The following HERC2 variants were observed in gnomAD, a reference collection of about 807,000 sequenced individuals.
HERC2 encodes the protein HECT and RLD domain containing E3 ubiquitin protein ligase 2.
HERC2 carries 102 observed loss-of-function variants against 537.7 expected under a neutral mutation model. The observed-to-expected ratio is 0.19, with a 90% CI of 0.16 to 0.22. HERC2 has a LOEUF of 0.22. Ranked by LOEUF, HERC2 falls within the 10% of genes least tolerant of loss-of-function variation. The probability of loss-of-function intolerance (pLI) is 1.00; values close to 1 mark genes in which losing one functional copy is unlikely to be tolerated. For synonymous variants in HERC2, 2,224 were observed against 2,466.2 expected, an observed-to-expected ratio of 0.90 and a Z score of 2.91; for missense variants, 4,236 against 6,198.2, an observed-to-expected ratio of 0.68 and a Z score of 10.63.
rs117694443 is a variant in HERC2, at chr15:28,265,526, C to G, written c.1870+92G>C. 1 of 1,052,726 alleles carries G rather than the reference C, an allele frequency of 9.5e-7. No individual in the cohort carries two copies. The highest frequency in any genetic ancestry group is 2.4e-5 in the East Asian group (1 of 40,830). 65.2% of individuals were successfully genotyped at this position (1,052,726 alleles called of 1,614,324 possible). A position where few individuals can be genotyped will look rare whatever the true frequency, so the allele number is the denominator to read the frequency against. On this transcript the variant is annotated intron_variant, in intron 14 of 92. Transcript: ENST00000261609. The surrounding 1 kb of genome is among the most constrained non-coding windows in gnomAD (Gnocchi z 4.0). ...CACTGGGCGACAGGGTGGGTGGCCT[C>G]GTGAGGCCCACTGTACTCATCTCAC...
intron 35 of HERC2, 89 bp downstream of exon 35, chr15:28,228,129 T>TAAAAAA: frequency 6.4e-6 from 6 of 940,240 alleles, no homozygotes; most frequent in South Asian, 3.3e-5. Flanking sequence ...CAAAAAGCTT[T>TAAAAAA]AAAAAAAAAA....
rs1197169797 is a variant in HERC2, at chr15:28,265,866, C to G, written c.1707G>C (p.Glu569Asp). ...GSTYSAAITAEGELYTWGRGN... is the reference protein window; with the variant it reads ...GSTYSAAITADGELYTWGRGN... ...CGCGGCCCCAGGTGTACAGCTCCCCCTCGGCAGTGATGGCCGCACTGTAAG... is the reference window on the plus strand; with the variant it reads ...CGCGGCCCCAGGTGTACAGCTCCCCGTCGGCAGTGATGGCCGCACTGTAAG... The change falls in exon 13 of 93, where the codon GAG (glutamate) becomes GAC (aspartate). Residue 569 changes from glutamate to aspartate, a missense_variant. By Grantham distance (45) the Glu-to-Asp change is conservative. Coordinates refer to ENST00000261609, the MANE Select transcript of HERC2 (RefSeq NM_004667.6). The surrounding 1 kb of genome is among the most constrained non-coding windows in gnomAD (Gnocchi z 4.0). 2.5e-6 allele frequency: 4 copies of G among 1,614,086 alleles called. No individual in the cohort carries two copies. Among genetic ancestry groups the G allele is most frequent in the African/African-American group, 1.3e-5 (1 of 74,926 alleles).
chr15:28,167,191 T>C (rs988430373), intron 68 of HERC2, among the ~76,000 whole-genome samples: 1 of 152,138 alleles, frequency 6.6e-6, no homozygotes, highest in Admixed American at 6.5e-5. Flanking sequence ...TGACTTCCAG[T>C]GGAGAAACTT....
chr15:28,111,871 G>T lies in HERC2; in HGVS notation c.14397C>A (p.Ile4799=). 1 of 1,614,212 alleles carries T rather than the reference G, an allele frequency of 6.2e-7. No homozygotes were observed. The highest frequency in any genetic ancestry group is 1.1e-5 in the South Asian group (1 of 91,072). The change falls in exon 93 of 93, where the codon ATC becomes ATA. Residue 4799 remains isoleucine, a synonymous_variant. Coordinates refer to ENST00000261609, the MANE Select transcript of HERC2 (RefSeq NM_004667.6). ...KSIDTDDYAR[I]ALTGEPAADD... Reference sequence around the variant, plus strand: ...CGGCGGCTGGCTCTCCTGTAAGTGCGATGCGAGCGTAGTCATCTGTGTCTA... The same window carrying T: ...CGGCGGCTGGCTCTCCTGTAAGTGCTATGCGAGCGTAGTCATCTGTGTCTA...
At chr15:28,116,507 G>A (rs1339741310) in intron 88 of HERC2, among the ~76,000 whole-genome samples, 158 bp downstream of exon 88, 3 of 152,126 alleles carry the variant, frequency 2.0e-5, no homozygotes, top group Admixed American at 1.3e-4. Flanking sequence ...GTGAGCCACC[G>A]CGCCTCACCC....
At chr15:28,114,582 T>A in intron 90 of HERC2, 30 bp downstream of exon 90, 1 of 1,600,238 alleles carries the variant, frequency 6.2e-7, no homozygotes, top group Non-Finnish European at 8.6e-7. Context: ...GCTATTTATG[T>A]CAATGCAACA....
At chr15:28,128,916 A>T (rs1323729620) in intron 83 of HERC2, among the ~76,000 whole-genome samples, 8 of 152,202 alleles carry the variant, frequency 5.3e-5, no homozygotes, top group Admixed American at 5.2e-4. Context: ...CCTCCACGAA[A>T]GCCAGCAACA....
At position 28,124,988 on chromosome 15, in the gene HERC2, C is replaced by A. The variant is rs886641361; in HGVS notation, c.12990+18G>T. On this transcript the variant is annotated intron_variant, in intron 84 of 92. Transcript: ENST00000261609. ...ACACTTTGCTTGCCCCCGACCCACCCAACCTGCCCGGACTCACCTGTGCAG... is the reference window on the plus strand; with the variant it reads ...ACACTTTGCTTGCCCCCGACCCACCAAACCTGCCCGGACTCACCTGTGCAG... 4 of 1,579,840 alleles carry A rather than the reference C, an allele frequency of 2.5e-6. No homozygotes were observed. In the Admixed American group the frequency reaches 5.1e-5, roughly 20 times the overall value.
At chr15:28,150,339 C>T (rs745644068) in intron 70 of HERC2, among the ~76,000 whole-genome samples, 3 of 150,792 alleles carry the variant, frequency 2.0e-5, no homozygotes, top group East Asian at 2.0e-4. Flanking sequence ...AAAAAACACG[C>T]GGCTTCTAAC....
chr15:28,153,795 G>T (rs1247017171), intron 69 of HERC2, among the ~76,000 whole-genome samples: 3 of 152,158 alleles, frequency 2.0e-5, no homozygotes, highest in South Asian at 4.2e-4. Flanking sequence ...AGGAAAGTTG[G>T]CCTCGGAAAC....
At chr15:28,214,428 G>A (rs1390948017) in intron 40 of HERC2, among the ~76,000 whole-genome samples, 156 bp from the exon 41 acceptor site, 14 of 142,434 alleles carry the variant, frequency 9.8e-5, no homozygotes, top group Non-Finnish European at 1.5e-4. Context: ...ACGGCACTGC[G>A]CCGCTCTTCA....
In HERC2 at chr15:28,274,968, T is replaced by C; in HGVS notation, c.580A>G (p.Arg194Gly). 1 of 1,609,240 alleles carries C rather than the reference T, an allele frequency of 6.2e-7. No individual in the cohort carries two copies. The change falls in exon 6 of 93, where the codon AGA becomes GGA. Residue 194 changes from arginine to glycine, a missense_variant. By Grantham distance (125) the Arg-to-Gly change is moderately radical. This residue lies in a region of HERC2 where 491 missense variants were observed against 559.3 expected (regional missense o/e 0.88). Coordinates refer to ENST00000261609, the MANE Select transcript of HERC2 (RefSeq NM_004667.6). The part of the protein sequence containing the change: ...PAGKGVEGLA[R>G]VGSRAALSFA... ...GACAGCGCCGCTCGGGATCCCACTC[T>C]GGCGAGCCCCTCCACACCTTTGCCC...
Position 28,265,697 on chromosome 15 carries a change from T to A in HERC2, c.1791A>T (p.Val597=), listed in dbSNP as rs779656689. The A allele has an allele frequency of 9.3e-6, 15 of 1,614,046 alleles. No homozygotes were observed. Among genetic ancestry groups the A allele is most frequent in the Middle Eastern group, 1.6e-4 (1 of 6,080 alleles). Residue 597 remains valine (V), a synonymous_variant, in exon 14 of 93, where the codon GTA becomes GTT. Transcript: ENST00000261609. This position sits in a 1 kb window ranked among gnomAD's most constrained non-coding sequence, Gnocchi z 4.0. ...SSEDEAIPML[V]AGLKGLKVID... ...TGACCTTCAGTCCTTTAAGCCCGGC[T>A]ACCAGCATCGGAATGGCCTCGTCCT...
At position 28,233,570 on chromosome 15, in the gene HERC2, A is replaced by C; in HGVS notation, c.4352-9T>G. 6.2e-7 allele frequency: 1 copy of C among 1,613,762 alleles called. No individual in the cohort carries two copies. The highest frequency in any genetic ancestry group is 1.1e-5 in the South Asian group (1 of 91,064). ...AGATAATGCCACATGACCTGTAAAA[A>C]GACATTTAAAAGAAGGGCAGGGATG... is the stretch of plus-strand genomic sequence containing the variant. On this transcript the variant is annotated splice_polypyrimidine_tract_variant and intron_variant, in intron 28 of 92. Coordinates refer to ENST00000261609, the MANE Select transcript of HERC2 (RefSeq NM_004667.6).
chr15:28,168,654 G>C, intron 66 of HERC2, 64 bp from the exon 67 acceptor site: 1 of 1,495,608 alleles, frequency 6.7e-7, no homozygotes, highest in Non-Finnish European at 9.1e-7. Flanking sequence ...ACAGGAAGTG[G>C]AGAGGCAGGG....
chr15:28,182,361 G>C, intron 57 of HERC2, 40 bp downstream of exon 57: 2 of 1,309,888 alleles, frequency 1.5e-6, no homozygotes, highest in Non-Finnish European at 2.2e-6. Context: ...GGCTGCTGCC[G>C]AGTGCCCCAC....
chr15:28,300,302 G>A (rs2638711), intron 2 of HERC2, among the ~76,000 whole-genome samples: 22,433 of 143,246 alleles, frequency 0.16, 2,595 homozygotes, highest in East Asian at 0.4. Context: ...ATAAAAAAGC[G>A]AAACCTACAA....
rs1159655100 is a variant in HERC2, at chr15:28,198,750, C to T, written c.7736G>A (p.Cys2579Tyr). Residue 2579 changes from cysteine (C) to tyrosine (Y), a missense_variant, in exon 49 of 93, where the codon TGC becomes TAC. Physicochemically the swap from Cys to Tyr is radical, Grantham distance 194. Coordinates refer to ENST00000261609, the MANE Select transcript of HERC2 (RefSeq NM_004667.6). The part of the protein sequence containing the change: ...ENIQVGMMVR[C>Y]CRAYEEVCEG... ...GCACACTTCTTCATACGCTCGGCAG[C>T]ATCTAACCATCATTCCCACCTAGAA... is the stretch of plus-strand genomic sequence containing the variant. 6.2e-7 allele frequency: 1 copy of T among 1,612,616 alleles called. No homozygotes were observed. Among genetic ancestry groups the T allele is most frequent in the African/African-American group, 1.3e-5 (1 of 74,874 alleles).
At chr15:28,115,598 C>T (rs974190289) in intron 88 of HERC2, 57 bp from the exon 89 acceptor site, 28 of 1,276,000 alleles carry the variant, frequency 2.2e-5, no homozygotes, top group African/African-American at 5.9e-5. Context: ...CAAAACTTCC[C>T]GCTCACTCAC....
Sources: gnomAD v4.1 joint callset for allele counts (sites outside exome capture counted in the v4.1 genomes callset) on GRCh38, gnomAD v4.1.1 for gene constraint, gnomAD v4.1.1 regional missense constraint, Gnocchi (gnomAD v3.1) non-coding constraint, MANE v1.5 for transcripts, NCBI Gene and HGNC (gene_info 2026-07-23, HGNC 2026-07-21) for gene names.